The following GRK5 variants were observed in gnomAD, a reference collection of about 807,000 sequenced individuals.
GRK5 encodes the protein G protein-coupled receptor kinase 5.
GRK5 carries 40 observed loss-of-function variants against 78.4 expected under a neutral mutation model. The observed-to-expected ratio is 0.51, with a 90% CI of 0.40 to 0.66. The LOEUF (loss-of-function observed/expected upper bound fraction) is 0.66, where lower values mean the gene tolerates loss of function less well. Ranked by LOEUF, GRK5 falls within the 30% of genes least tolerant of loss-of-function variation. The pLI is 0.00. For synonymous variants in GRK5, 289 were observed against 296.8 expected (o/e 0.97, Z 0.27); for missense variants, 598 against 759.9 (o/e 0.79, Z 2.50).
intron 2 of GRK5, among the ~76,000 whole-genome samples, chr10:119,367,220 C>T (rs1366727704): frequency 1.3e-5 from 2 of 152,186 alleles, no homozygotes; most frequent in Non-Finnish European, 2.9e-5. Context: ...AATCCCGACA[C>T]CACGAGCTAG....
intron 2 of GRK5, among the ~76,000 whole-genome samples, chr10:119,373,467 G>T (rs1851578421): frequency 6.6e-6 from 1 of 152,206 alleles, no homozygotes; most frequent in Non-Finnish European, 1.5e-5. Context: ...ATAAAGGGGA[G>T]TTCCCTTGCA....
chr10:119,308,180 G>A (rs923677636), intron 1 of GRK5, among the ~76,000 whole-genome samples: 7 of 152,130 alleles, frequency 4.6e-5, no homozygotes, highest in African/African-American at 1.4e-4. Flanking sequence ...ATAAGTGCCC[G>A]GGTTTATCTT....
At chr10:119,373,371 G>A (rs1489630090) in intron 2 of GRK5, among the ~76,000 whole-genome samples, 3 of 152,174 alleles carry the variant, frequency 2.0e-5, no homozygotes, top group Admixed American at 2.0e-4. Flanking sequence ...GGAGGGACCT[G>A]TTGGGAGGTA....
intron 1 of GRK5, among the ~76,000 whole-genome samples, chr10:119,231,168 T>C (rs1848822583): frequency 6.6e-6 from 1 of 152,040 alleles, no homozygotes; most frequent in Non-Finnish European, 1.5e-5. Flanking sequence ...TTGCAAACTG[T>C]TCACCTGACA....
intron 1 of GRK5, among the ~76,000 whole-genome samples, chr10:119,232,519 TC>T (rs1313988834): frequency 6.6e-6 from 1 of 152,178 alleles, no homozygotes; most frequent in Non-Finnish European, 1.5e-5. Context: ...CCCACCCACA[TC>T]TCATCTTGAA....
At chr10:119,438,396 A>C (rs1208553534) in intron 9 of GRK5, among the ~76,000 whole-genome samples, 1 of 152,198 alleles carries the variant, frequency 6.6e-6, no homozygotes, top group East Asian at 1.9e-4. Flanking sequence ...CACGCAGCCC[A>C]GTTTGAAGAC....
chr10:119,278,184 TC>T (rs1226605043), intron 1 of GRK5, among the ~76,000 whole-genome samples: 17 of 152,170 alleles, frequency 1.1e-4, no homozygotes, highest in African/African-American at 4.1e-4. Context: ...TCCCCAATTC[TC>T]CTGTGGCCTC....
intron 2 of GRK5, among the ~76,000 whole-genome samples, chr10:119,375,750 C>T (rs973487229): frequency 1.3e-5 from 2 of 152,196 alleles, no homozygotes; most frequent in Non-Finnish European, 2.9e-5. Flanking sequence ...TGTGGGCATG[C>T]CGGGGAGGTG....
intron 14 of GRK5, 90 bp from the exon 15 acceptor site, chr10:119,453,055 G>A: frequency 1.1e-6 from 1 of 918,338 alleles, no homozygotes; most frequent in East Asian, 2.4e-5. Context: ...GGGCAGGTGA[G>A]GCCAGGGGAG....
In GRK5 at chr10:119,266,039, CAG is replaced by C. The variant is rs200758566; in HGVS notation, c.52+58073_52+58074del. Among the ~76,000 whole-genome samples, 940 of 152,354 alleles carry C rather than the reference CAG, an allele frequency of 6.2e-3. 5 individuals are homozygous for C. Among genetic ancestry groups the C allele is most frequent in the Non-Finnish European group, 0.01 (696 of 68,036 alleles). ...AGCTGAACCTAAGGCTACCAGGAGA[CAG>C]AGGGCATCTGTGGCCTCCCCCAGAA... On this transcript the variant is annotated intron_variant, in intron 1 of 15. Transcript: ENST00000392870.
intron 1 of GRK5, among the ~76,000 whole-genome samples, chr10:119,317,212 T>C (rs1319244552): frequency 6.6e-6 from 1 of 152,168 alleles, no homozygotes. Context: ...CCCCACTTAT[T>C]CAGGGTCCAG....
At chr10:119,440,181 A>G (rs1407788956) in intron 10 of GRK5, among the ~76,000 whole-genome samples, 1 of 152,092 alleles carries the variant, frequency 6.6e-6, no homozygotes, top group African/African-American at 2.4e-5. Context: ...GCCCACCCAG[A>G]AGGAAGAGGG....
At chr10:119,428,420 C>G (rs1273029742) in intron 6 of GRK5, among the ~76,000 whole-genome samples, 1 of 152,232 alleles carries the variant, frequency 6.6e-6, no homozygotes, top group African/African-American at 2.4e-5. Context: ...GGGGCATGCC[C>G]TTTATTCCTA....
chr10:119,250,809 A>G (rs1849187142), intron 1 of GRK5, among the ~76,000 whole-genome samples: 1 of 152,158 alleles, frequency 6.6e-6, no homozygotes, highest in Admixed American at 6.5e-5. Context: ...GTAATAGAGT[A>G]TGTTACTATA....
chr10:119,403,695 G>A (rs576511081), intron 4 of GRK5, among the ~76,000 whole-genome samples: 4 of 152,036 alleles, frequency 2.6e-5, no homozygotes, highest in African/African-American at 7.2e-5. Context: ...GTACAATGGC[G>A]GGATCTCGGC....
At chr10:119,262,563 C>T (rs574359404) in intron 1 of GRK5, among the ~76,000 whole-genome samples, 1 of 152,118 alleles carries the variant, frequency 6.6e-6, no homozygotes, top group African/African-American at 2.4e-5. Context: ...AGGCTGATCT[C>T]GAACTCCTGA....
At chr10:119,397,893 G>C (rs890113599) in intron 4 of GRK5, among the ~76,000 whole-genome samples, 1 of 152,322 alleles carries the variant, frequency 6.6e-6, no homozygotes, top group Middle Eastern at 3.4e-3. Flanking sequence ...CCATCACCTT[G>C]TTGCCTCCCC....
chr10:119,335,582 C>T (rs11814921), intron 2 of GRK5, among the ~76,000 whole-genome samples: 9,671 of 152,276 alleles, frequency 0.064, 794 homozygotes, highest in African/African-American at 0.19. Flanking sequence ...AGGCTGGTCT[C>T]GAACTCCTGA....
intron 1 of GRK5, among the ~76,000 whole-genome samples, chr10:119,307,419 A>T (rs917875988): frequency 1.3e-5 from 2 of 152,156 alleles, no homozygotes; most frequent in East Asian, 1.9e-4. Context: ...TTATCCAGGG[A>T]TATCAGGTGG....
Sources: allele counts gnomAD v4.1 joint callset (sites outside exome capture counted in the v4.1 genomes callset), GRCh38; gene constraint gnomAD v4.1.1; transcripts MANE v1.5; gene names NCBI Gene and HGNC (gene_info 2026-07-23, HGNC 2026-07-21).